The following ACTR3C variants were observed in gnomAD, a reference collection of about 807,000 sequenced individuals.
ACTR3C encodes the protein actin-related protein 3C.
A neutral mutation model predicts 26.3 loss-of-function variants in ACTR3C; 18 were observed. The observed-to-expected ratio is 0.68, with a 90% CI of 0.47 to 1.01. ACTR3C has a LOEUF of 1.01. Ranked by LOEUF, ACTR3C falls within the 50% of genes least tolerant of loss-of-function variation. ACTR3C has a pLI of 0.00. For missense variants in ACTR3C, 184 were observed against 250.7 expected, an observed-to-expected ratio of 0.73 and a Z score of 1.80; for synonymous variants, 55 against 94.5, an observed-to-expected ratio of 0.58 and a Z score of 2.42.
chr7:149,993,528 T>C, the ACTR3C span, among the ~76,000 whole-genome samples: 5 of 152,132 alleles, frequency 3.3e-5, no homozygotes, highest in Non-Finnish European at 7.3e-5. Context: ...GCTGATGGAA[T>C]GGAGTCGCTT....
At chr7:150,197,241 A>C in the ACTR3C span, among the ~76,000 whole-genome samples, 2 of 152,138 alleles carry the variant, frequency 1.3e-5, no homozygotes, top group African/African-American at 4.8e-5. Context: ...AAAAGTCTTC[A>C]AGAGAATATG....
the ACTR3C span, among the ~76,000 whole-genome samples, chr7:150,116,148 T>C: frequency 6.6e-6 from 1 of 152,252 alleles, no homozygotes; most frequent in East Asian, 1.9e-4. Flanking sequence ...ATATTTCAAA[T>C]GGTATCAGTA....
chr7:150,035,766 CT>C, the ACTR3C span, among the ~76,000 whole-genome samples: 12 of 138,084 alleles, frequency 8.7e-5, no homozygotes, highest in Admixed American at 7.0e-4. Context: ...TGCGTCCCCC[CT>C]CTGCGATGGG....
At chr7:149,888,806 G>A in the ACTR3C span, among the ~76,000 whole-genome samples, 8 of 152,084 alleles carry the variant, frequency 5.3e-5, no homozygotes, top group South Asian at 2.1e-4. Context: ...TCAGGAGTTC[G>A]AGAACAGTCT....
chr7:150,122,016 G>A, the ACTR3C span, among the ~76,000 whole-genome samples: 2 of 152,112 alleles, frequency 1.3e-5, no homozygotes, highest in Non-Finnish European at 2.9e-5. Context: ...TGGGAAAACT[G>A]TCTAGCCATA....
chr7:149,991,056 T>C, the ACTR3C span, among the ~76,000 whole-genome samples: 1 of 152,136 alleles, frequency 6.6e-6, no homozygotes, highest in African/African-American at 2.4e-5. Context: ...TTTAATGGAC[T>C]CACAGTTCCA....
chr7:149,930,121 G>C, the ACTR3C span, among the ~76,000 whole-genome samples: 51 of 152,278 alleles, frequency 3.3e-4, no homozygotes, highest in Middle Eastern at 3.4e-3. Flanking sequence ...GATTAAATTA[G>C]ACTTAAAAGA....
intron 3 of ACTR3C, among the ~76,000 whole-genome samples, chr7:150,290,646 C>G (rs1455279684): frequency 2.0e-5 from 3 of 152,200 alleles, no homozygotes; most frequent in Non-Finnish European, 2.9e-5. Context: ...GAACAACTTA[C>G]TGAATTCCTC....
intron 6 of ACTR3C, among the ~76,000 whole-genome samples, chr7:150,282,833 G>A (rs539755159): frequency 1.2e-3 from 179 of 144,672 alleles, no homozygotes; most frequent in South Asian, 0.012. Context: ...CTGTGATCAC[G>A]CCACTGCACT....
At chr7:150,217,193 T>G in the ACTR3C span, among the ~76,000 whole-genome samples, 202 of 146,642 alleles carry the variant, frequency 1.4e-3, no homozygotes, top group African/African-American at 5.4e-3. Context: ...ACCATGAAGG[T>G]CCTATAAAAC....
chr7:150,019,204 A>G, the ACTR3C span, among the ~76,000 whole-genome samples: 1 of 150,464 alleles, frequency 6.6e-6, no homozygotes, highest in East Asian at 1.9e-4. Flanking sequence ...GAGATCATGA[A>G]GGAAGGAAGT....
chr7:150,316,477 C>A (rs984151801), intron 1 of ACTR3C, among the ~76,000 whole-genome samples: 220 of 137,036 alleles, frequency 1.6e-3, no homozygotes, highest in Admixed American at 4.4e-3. Context: ...ACTTTAGAAT[C>A]TGGTTATTTT....
chr7:150,059,174 C>T, the ACTR3C span, among the ~76,000 whole-genome samples: 13 of 152,196 alleles, frequency 8.5e-5, no homozygotes, highest in East Asian at 1.9e-4. Context: ...AAGCATCAGA[C>T]GCTCATCTAT....
chr7:150,261,880 A>G (rs1353962150), intron 6 of ACTR3C, among the ~76,000 whole-genome samples: 2 of 152,134 alleles, frequency 1.3e-5, no homozygotes, highest in Non-Finnish European at 2.9e-5. Context: ...CTCGATCCAC[A>G]TTAGTCAATT....
chr7:150,136,158 G>A, the ACTR3C span, among the ~76,000 whole-genome samples: 2 of 152,170 alleles, frequency 1.3e-5, no homozygotes, highest in African/African-American at 2.4e-5. Context: ...AGGCCTCCTG[G>A]ATCCCAGGGT....
At chr7:150,150,905 T>G in the ACTR3C span, among the ~76,000 whole-genome samples, 1 of 137,836 alleles carries the variant, frequency 7.3e-6, no homozygotes, top group Admixed American at 7.4e-5. Context: ...ATCTTCACTA[T>G]GTATTTTGCC....
chr7:150,223,529 A>T, the ACTR3C span, among the ~76,000 whole-genome samples: 2 of 151,944 alleles, frequency 1.3e-5, no homozygotes, highest in South Asian at 4.2e-4. Flanking sequence ...ATTTCCCAAG[A>T]CGTTAGTACA....
the ACTR3C span, among the ~76,000 whole-genome samples, chr7:149,997,778 A>G: frequency 6.7e-6 from 1 of 150,216 alleles, no homozygotes; most frequent in African/African-American, 2.4e-5. Flanking sequence ...CCACTGCATC[A>G]GTATATTAGA....
the ACTR3C span, among the ~76,000 whole-genome samples, chr7:150,094,094 C>T: frequency 1.0e-3 from 156 of 150,652 alleles, 6 homozygotes; most frequent in South Asian, 0.031. Flanking sequence ...ACTCGGGCCA[C>T]GTGGCCTCAG....
Sources: allele counts gnomAD v4.1 joint callset (sites outside exome capture counted in the v4.1 genomes callset), GRCh38; gene constraint gnomAD v4.1.1; transcripts MANE v1.5; gene names NCBI Gene and HGNC (gene_info 2026-07-23, HGNC 2026-07-21).